The following PTGER3 variants were observed in gnomAD, a reference collection of about 807,000 sequenced individuals.
The protein encoded by PTGER3 is prostaglandin E2 receptor EP3 subtype.
In PTGER3, 22 loss-of-function variants were observed where a neutral mutation model predicts 34.7. The observed-to-expected ratio is 0.63, with a 90% CI of 0.45 to 0.91. The LOEUF (loss-of-function observed/expected upper bound fraction) is 0.91. PTGER3 is among the 40% of genes least tolerant of loss of function. PTGER3 has a pLI of 0.00. For missense variants in PTGER3, 468 were observed against 519.4 expected (o/e 0.90, Z 0.96); for synonymous variants, 241 against 230.1 (o/e 1.05, Z -0.43).
At position 71,037,454 on chromosome 1, in the gene PTGER3, T is replaced by A. The variant is rs149952836; in HGVS notation, c.897+9227A>T. Among the ~76,000 whole-genome samples, 656 of 152,364 alleles carry A rather than the reference T, an allele frequency of 4.3e-3. 6 individuals carry two copies. The highest frequency in any genetic ancestry group is 0.015 in the African/African-American group (631 of 41,582). The stretch of plus-strand genomic sequence containing the variant: ...TAAATGAATCCGTGCTGACCACCAC[T>A]GTATTACCAGAGTGATGAGAGTGGC... On this transcript the variant is annotated intron_variant, in intron 1 of 3. Coordinates refer to ENST00000306666, the MANE Select transcript of PTGER3 (RefSeq NM_198719.2).
At chr1:70,953,885 C>A in intron 2 of PTGER3, 2 of 569,328 alleles carry the variant, frequency 3.5e-6, no homozygotes, top group East Asian at 3.4e-5. Context: ...ATGAAAATAG[C>A]TATTTCTGTG....
chr1:70,908,827 C>G (rs983676999), intron 4 of PTGER3, among the ~76,000 whole-genome samples: 1 of 152,180 alleles, frequency 6.6e-6, no homozygotes, highest in African/African-American at 2.4e-5. Context: ...ATATACTAGG[C>G]ATTAAAGCTC....
At chr1:70,909,543 A>G (rs1647019862) in intron 4 of PTGER3, among the ~76,000 whole-genome samples, 1 of 152,162 alleles carries the variant, frequency 6.6e-6, no homozygotes, top group Non-Finnish European at 1.5e-5. Flanking sequence ...AATGCAGAAG[A>G]TCTCTCCCAG....
chr1:70,870,917 T>A (rs994037428), intron 4 of PTGER3, among the ~76,000 whole-genome samples: 3 of 152,236 alleles, frequency 2.0e-5, no homozygotes, highest in Admixed American at 6.5e-5. Context: ...TACCTCATCT[T>A]CCTGTCGTCT....
intron 2 of PTGER3, chr1:71,008,516 A>G (rs1657168097): frequency 1.2e-5 from 11 of 942,336 alleles, no homozygotes; most frequent in African/African-American, 1.8e-5. Flanking sequence ...GTTTCCTTAC[A>G]ATACTGAACT....
At chr1:70,911,037 G>A (rs576237101) in intron 4 of PTGER3, among the ~76,000 whole-genome samples, 7 of 150,852 alleles carry the variant, frequency 4.6e-5, no homozygotes, top group East Asian at 3.9e-4. Context: ...CTGAGATTGC[G>A]CCACTGCACT....
At position 70,892,241 on chromosome 1, in the gene PTGER3, C is replaced by T. The variant is rs571355125; in HGVS notation, c.*24-39382G>A. Among the ~76,000 whole-genome samples, 20 of 152,318 alleles carry T rather than the reference C, an allele frequency of 1.3e-4. No homozygotes were observed. In the East Asian group the frequency reaches 3.7e-3, roughly 28 times the overall value. On this transcript the variant is annotated intron_variant, in intron 4 of 4. Transcript: ENST00000370931. ...TGCTTTGGGGCATATTCATTAACCT[C>T]TCTGAGCTTGAGTTTCCGCATGTAA...
chr1:70,930,802 C>A (rs1648611847), intron 4 of PTGER3, among the ~76,000 whole-genome samples: 1 of 152,066 alleles, frequency 6.6e-6, no homozygotes, highest in African/African-American at 2.4e-5. Context: ...TATGGGAGTA[C>A]AATTAAAGAT....
chr1:70,889,414 CAAA>C (rs372750310), intron 4 of PTGER3, among the ~76,000 whole-genome samples: 1 of 63,614 alleles, frequency 1.6e-5, no homozygotes, highest in Admixed American at 1.9e-4. Context: ...GACTCCATCT[CAAA>C]AAAAAAAAAA....
chr1:71,030,936 G>A (rs1356670678), intron 1 of PTGER3, among the ~76,000 whole-genome samples: 1 of 151,880 alleles, frequency 6.6e-6, no homozygotes, highest in Non-Finnish European at 1.5e-5. Flanking sequence ...AGAGAAAAAC[G>A]TGACACATAG....
At chr1:70,874,077 C>T (rs933565831) in intron 4 of PTGER3, among the ~76,000 whole-genome samples, 3 of 152,082 alleles carry the variant, frequency 2.0e-5, no homozygotes, top group African/African-American at 7.2e-5. Flanking sequence ...GTTACAAATA[C>T]CAAAAAACAA....
intron 4 of PTGER3, among the ~76,000 whole-genome samples, chr1:70,941,839 TTC>T (rs1238944829): frequency 6.6e-6 from 1 of 152,202 alleles, no homozygotes; most frequent in Non-Finnish European, 1.5e-5. Flanking sequence ...ATATCTGTGC[TTC>T]TGACATTGCC....
intron 4 of PTGER3, among the ~76,000 whole-genome samples, chr1:70,941,837 GC>G (rs1213132896): frequency 6.6e-6 from 1 of 152,038 alleles, no homozygotes. Flanking sequence ...TTATATCTGT[GC>G]TTCTGACATT....
intron 4 of PTGER3, among the ~76,000 whole-genome samples, chr1:70,869,954 G>A (rs1646127654): frequency 6.6e-6 from 1 of 152,162 alleles, no homozygotes; most frequent in South Asian, 2.1e-4. Context: ...AGCTGCACTA[G>A]GCAATGCCCT....
downstream of PTGER3, among the ~76,000 whole-genome samples, chr1:70,967,596 G>C (rs919547713): frequency 6.6e-6 from 1 of 152,034 alleles, no homozygotes; most frequent in Non-Finnish European, 1.5e-5. Context: ...GATATTTTTA[G>C]TATGGCAATT....
intron 4 of PTGER3, among the ~76,000 whole-genome samples, chr1:70,886,857 T>G (rs1646509145): frequency 6.6e-6 from 1 of 152,196 alleles, no homozygotes; most frequent in Non-Finnish European, 1.5e-5. Context: ...TTTTGGTATA[T>G]GGCAGAGCTG....
At position 71,047,284 on chromosome 1, in the gene PTGER3, G is replaced by C. The variant is rs772939330; in HGVS notation, c.294C>G (p.Thr98=). 8 of 1,598,336 alleles carry C rather than the reference G, an allele frequency of 5.0e-6. No homozygotes were observed. The South Asian group carries it at 9.0e-5, about 18-fold the overall frequency. ...TGGTGAGAAGCTGCCCGACCAGGTC[G>C]GTGAGCGCCAGCCAGCCGATGCACA... ...FLLCIGWLAL[T]DLVGQLLTTP... is the part of the protein sequence containing the mutation. Residue 98 remains threonine, a synonymous_variant, in exon 1 of 4, where the codon ACC becomes ACG. Coordinates refer to ENST00000306666, the MANE Select transcript of PTGER3 (RefSeq NM_198719.2).
intron 4 of PTGER3, among the ~76,000 whole-genome samples, chr1:70,890,046 C>T (rs1379892325): frequency 6.6e-6 from 1 of 152,140 alleles, no homozygotes; most frequent in African/African-American, 2.4e-5. Flanking sequence ...TTTGGCATTT[C>T]CATGTTGTAC....
intron 4 of PTGER3, among the ~76,000 whole-genome samples, chr1:70,926,306 C>A (rs929308010): frequency 6.6e-6 from 1 of 152,146 alleles, no homozygotes; most frequent in African/African-American, 2.4e-5. Context: ...TTCTTGCTAC[C>A]CATGAGCATG....
Sources: gnomAD v4.1 joint callset for allele counts (sites outside exome capture counted in the v4.1 genomes callset) on GRCh38, gnomAD v4.1.1 for gene constraint, MANE v1.5 for transcripts, NCBI Gene and HGNC (gene_info 2026-07-23, HGNC 2026-07-21) for gene names.